The following VAV2 variants were observed in gnomAD, a reference collection of about 807,000 sequenced individuals.
VAV2 encodes vav guanine nucleotide exchange factor 2.
Under a neutral mutation model 132.5 loss-of-function variants are expected in VAV2, and 67 were observed. The ratio of observed to expected loss-of-function variants is 0.51; its 90% CI spans 0.42 to 0.62. The LOEUF is 0.62. Among genes scored for constraint, VAV2 ranks in the 20% least tolerant of loss-of-function variants. The probability of loss-of-function intolerance (pLI) is 0.00; values close to 1 mark genes in which losing one functional copy is unlikely to be tolerated. For synonymous variants in VAV2, 492 were observed against 443.5 expected (o/e 1.11, Z -1.37); for missense variants, 938 against 1,153.6 (o/e 0.81, Z 2.71).
At position 133,833,708 on chromosome 9, in the gene VAV2, C is replaced by T. The variant is rs1836353336; in HGVS notation, c.449+564G>A. 6.6e-6 allele frequency among the ~76,000 whole-genome samples: 1 copy of T among 152,170 alleles called. No individual in the cohort carries two copies. Reference sequence around the variant, plus strand: ...ATGGGGCCCTGGTGCTGTGGCCAGGCTTGGGCAGCGCCTGGGTGGAGCAGA... The same window carrying T: ...ATGGGGCCCTGGTGCTGTGGCCAGGTTTGGGCAGCGCCTGGGTGGAGCAGA... On this transcript the variant is annotated intron_variant, in intron 4 of 29. Transcript: ENST00000371850. The surrounding 1 kb of genome is among the most constrained non-coding windows in gnomAD (Gnocchi z 5.6).
chr9:133,858,311 C>A (rs1837462173), intron 3 of VAV2, among the ~76,000 whole-genome samples: 1 of 152,206 alleles, frequency 6.6e-6, no homozygotes, highest in Non-Finnish European at 1.5e-5. Flanking sequence ...ATGCCCAACC[C>A]CACCGGCCAC....
chr9:133,973,078 AG>A (rs1266378805), intron 1 of VAV2, among the ~76,000 whole-genome samples: 1 of 151,858 alleles, frequency 6.6e-6, no homozygotes, highest in East Asian at 2.0e-4. Context: ...ATCCCCAGGG[AG>A]CCCTGCCTTG....
intron 1 of VAV2, among the ~76,000 whole-genome samples, chr9:133,985,373 C>G (rs987020260): frequency 2.6e-5 from 4 of 152,124 alleles, no homozygotes; most frequent in African/African-American, 9.7e-5. Flanking sequence ...CCTCCGCCTT[C>G]CGGGTTCAAG....
intron 1 of VAV2, among the ~76,000 whole-genome samples, chr9:133,971,847 C>T (rs1438061232): frequency 6.6e-6 from 1 of 152,150 alleles, no homozygotes; most frequent in African/African-American, 2.4e-5. Flanking sequence ...AACTCCTGGT[C>T]CAACAGCATC....
chr9:133,888,233 CAG>C (rs1165522670), intron 2 of VAV2, among the ~76,000 whole-genome samples: 11 of 152,200 alleles, frequency 7.2e-5, no homozygotes, highest in Non-Finnish European at 5.9e-5. Flanking sequence ...TGAATGGGGG[CAG>C]AGTGTCCGCC....
chr9:133,930,401 C>CAG (rs1431396826), intron 2 of VAV2, among the ~76,000 whole-genome samples: 2 of 152,060 alleles, frequency 1.3e-5, no homozygotes, highest in African/African-American at 4.8e-5. Context: ...GGCCTCCACA[C>CAG]TGGCTCCTAG....
In VAV2 at chr9:133,770,089, C is replaced by T. The variant is rs114422661; in HGVS notation, c.2347+289G>A. 2.2e-3 allele frequency among the ~76,000 whole-genome samples: 337 copies of T among 152,336 alleles called. 1 individual carries two copies. Among genetic ancestry groups the T allele is most frequent in the African/African-American group, 7.3e-3 (305 of 41,582 alleles). ...CTCTCCCACCTGTGACAGCTCCATG[C>T]GCAGGGGTCTCTGCCTGGACCTGGC... On this transcript the variant is annotated intron_variant, in intron 27 of 29. Transcript: ENST00000371850.
intron 3 of VAV2, among the ~76,000 whole-genome samples, chr9:133,842,317 G>C (rs1836756231): frequency 6.6e-6 from 1 of 152,248 alleles, no homozygotes; most frequent in African/African-American, 2.4e-5. Flanking sequence ...CACCAGCAGT[G>C]TATCAGGGAG....
intron 2 of VAV2, among the ~76,000 whole-genome samples, chr9:133,865,591 TCTTG>T (rs1424076011): frequency 6.6e-6 from 1 of 152,252 alleles, no homozygotes; most frequent in African/African-American, 2.4e-5. Context: ...GTTCTTTTTG[TCTTG>T]CTTGTTTGCT....
At chr9:133,777,960 C>G (rs1039951780) in intron 22 of VAV2, among the ~76,000 whole-genome samples, 1 of 152,176 alleles carries the variant, frequency 6.6e-6, no homozygotes, top group African/African-American at 2.4e-5. Context: ...GGGCTAAGTG[C>G]CCTCGAGGCC....
At chr9:133,872,381 A>G (rs1355324746) in intron 2 of VAV2, among the ~76,000 whole-genome samples, 1 of 152,134 alleles carries the variant, frequency 6.6e-6, no homozygotes, top group Admixed American at 6.5e-5. Context: ...CTTCTCTGCC[A>G]TGGTGTGGCC....
chr9:133,932,526 C>T (rs1588389443), intron 2 of VAV2, among the ~76,000 whole-genome samples: 3 of 152,278 alleles, frequency 2.0e-5, no homozygotes, highest in South Asian at 2.1e-4. Context: ...CTGGAACTTG[C>T]GGGGTGAGTG....
rs551142065 is a variant in VAV2, at chr9:133,833,015, G to A, written c.449+1257C>T. ...CCCTCAGACCCACGTGGGGCCGACC[G>A]GATGTCCAGAGGAGCTCTGGGAGTC... On this transcript the variant is annotated intron_variant, in intron 4 of 29. Coordinates refer to ENST00000371850, the MANE Select transcript of VAV2 (RefSeq NM_001134398.2). The surrounding 1 kb of genome is among the most constrained non-coding windows in gnomAD (Gnocchi z 5.6). Among the ~76,000 whole-genome samples, 2 of 152,232 alleles carry A rather than the reference G, an allele frequency of 1.3e-5. No individual in the cohort carries two copies. Among genetic ancestry groups the A allele is most frequent in the South Asian group, 4.1e-4 (2 of 4,822 alleles).
chr9:133,776,819 T>C (rs1156977002), intron 23 of VAV2, among the ~76,000 whole-genome samples: 1 of 152,162 alleles, frequency 6.6e-6, no homozygotes, highest in African/African-American at 2.4e-5. Flanking sequence ...AACCCACCCC[T>C]GCACCTTCAG....
At chr9:133,829,724 A>C (rs1836191359) in intron 4 of VAV2, among the ~76,000 whole-genome samples, 1 of 152,084 alleles carries the variant, frequency 6.6e-6, no homozygotes. Flanking sequence ...GCTGGTCTCG[A>C]ACTTCTGGCC....
In VAV2 at chr9:133,834,208, A is replaced by T; in HGVS notation, c.449+64T>A. The T allele has an allele frequency of 6.5e-7, 1 of 1,540,566 alleles. No homozygotes were observed. Among genetic ancestry groups the T allele is most frequent in the South Asian group, 1.2e-5 (1 of 83,932 alleles). On this transcript the variant is annotated intron_variant, in intron 4 of 29. Coordinates refer to ENST00000371850, the MANE Select transcript of VAV2 (RefSeq NM_001134398.2). The surrounding 1 kb of genome is among the most constrained non-coding windows in gnomAD (Gnocchi z 5.9). ...GCCATGTTTCCTCCTGACTCCCTGGACACCACCAGGAACCTCCCTGCCCCT... is the reference window on the plus strand; with the variant it reads ...GCCATGTTTCCTCCTGACTCCCTGGTCACCACCAGGAACCTCCCTGCCCCT...
chr9:133,765,824 C>T (rs559864527), intron 29 of VAV2, among the ~76,000 whole-genome samples: 12 of 152,312 alleles, frequency 7.9e-5, no homozygotes, highest in Non-Finnish European at 8.8e-5. Flanking sequence ...TAGACAAACA[C>T]ACACACACAC....
chr9:133,913,815 T>C (rs1002847020), intron 2 of VAV2, among the ~76,000 whole-genome samples: 35 of 152,132 alleles, frequency 2.3e-4, no homozygotes, highest in South Asian at 6.2e-4. Context: ...GACACTGCCA[T>C]TGGGGGCAGC....
chr9:133,915,930 C>T (rs569589473), intron 2 of VAV2, among the ~76,000 whole-genome samples: 32 of 151,846 alleles, frequency 2.1e-4, no homozygotes, highest in Non-Finnish European at 3.5e-4. Context: ...TGCACACATG[C>T]ACACGATGTA....
Sources: gnomAD v4.1 joint callset for allele counts (sites outside exome capture counted in the v4.1 genomes callset) on GRCh38, gnomAD v4.1.1 for gene constraint, Gnocchi (gnomAD v3.1) non-coding constraint, MANE v1.5 for transcripts, NCBI Gene and HGNC (gene_info 2026-07-23, HGNC 2026-07-21) for gene names.